Variants in VPS13A observed in about 807,000 individuals in gnomAD.
The protein encoded by VPS13A is intermembrane lipid transfer protein VPS13A.
VPS13A carries 264 observed loss-of-function variants against 390.9 expected under a neutral mutation model. The ratio of observed to expected loss-of-function variants is 0.68; its 90% CI spans 0.61 to 0.75. The LOEUF (loss-of-function observed/expected upper bound fraction) is 0.75. Ranked by LOEUF, VPS13A falls within the 30% of genes least tolerant of loss-of-function variation. The pLI, the probability that VPS13A is intolerant of heterozygous loss-of-function variation, is 0.00. For missense variants in VPS13A, 3,409 were observed against 3,733.9 expected (o/e 0.91, Z 2.27); for synonymous variants, 1,231 against 1,227.1 (o/e 1.00, Z -0.07).
intron 29 of VPS13A, 122 bp from the exon 30 acceptor site, chr9:77,283,233 T>C: frequency 1.6e-6 from 1 of 639,040 alleles, no homozygotes; most frequent in Non-Finnish European, 2.8e-6. Flanking sequence ...TTCAACTGAA[T>C]TGCAGATCAG....
In VPS13A at chr9:77,402,947, TAG is replaced by T. The variant is rs1444184642; in HGVS notation, c.9190-288_9190-287del. On this transcript the variant is annotated intron_variant, in intron 68 of 71. Coordinates refer to ENST00000360280, the MANE Select transcript of VPS13A (RefSeq NM_033305.3). The stretch of plus-strand genomic sequence containing the variant: ...GTTTTCCAATATAAAGTCACTGTAA[TAG>T]TTAAATACCTCATTAGATTGAATTT... Among the ~76,000 whole-genome samples the T allele has an allele frequency of 2.6e-5, 4 of 152,324 alleles. No homozygotes were observed. The East Asian group carries it at 7.7e-4, about 29-fold the overall frequency.
intron 20 of VPS13A, 134 bp from the exon 21 acceptor site, chr9:77,249,963 A>C: frequency 1.0e-6 from 1 of 955,222 alleles, no homozygotes; most frequent in Non-Finnish European, 1.6e-6. Context: ...GGACCTTTCT[A>C]ATAGCCTTAT....
At chr9:77,178,061 C>A in intron 1 of VPS13A, 1 of 416,632 alleles carries the variant, frequency 2.4e-6, no homozygotes, top group South Asian at 2.2e-5. Flanking sequence ...CCGAGCGGAG[C>A]GGACTTGCCG....
rs763153645 is a variant in VPS13A, at chr9:77,283,479, A to G, written c.3235+8A>G. ...CTGAAATTAAGATTGAAGGTAATAAAATTTCACAAAAAGCAAATTAAAAGA... is the reference window on the plus strand; with the variant it reads ...CTGAAATTAAGATTGAAGGTAATAAGATTTCACAAAAAGCAAATTAAAAGA... On this transcript the variant is annotated splice_region_variant and intron_variant, in intron 30 of 71. Coordinates refer to ENST00000360280, the MANE Select transcript of VPS13A (RefSeq NM_033305.3). The G allele has an allele frequency of 2.1e-5, 34 of 1,604,228 alleles. No homozygotes were observed. The highest frequency in any genetic ancestry group is 1.7e-4 in the Middle Eastern group (1 of 6,052).
chr9:77,413,769 T>C (rs936146763), intron 71 of VPS13A, among the ~76,000 whole-genome samples: 1 of 152,182 alleles, frequency 6.6e-6, no homozygotes, highest in African/African-American at 2.4e-5. Flanking sequence ...AGAGAGCTTC[T>C]GCACAGCAAA....
At chr9:77,347,053 T>C (rs893504958) in intron 52 of VPS13A, among the ~76,000 whole-genome samples, 5 of 152,244 alleles carry the variant, frequency 3.3e-5, no homozygotes, top group Admixed American at 3.3e-4. Context: ...ATGCCTATTT[T>C]TATACCAGTA....
intron 71 of VPS13A, among the ~76,000 whole-genome samples, chr9:77,407,867 A>AT (rs905207087): frequency 9.2e-5 from 14 of 151,998 alleles, no homozygotes; most frequent in African/African-American, 3.1e-4. Flanking sequence ...ACTCTAATTA[A>AT]TTTTTTTTAA....
chr9:77,377,544 T>A (rs1833172953), intron 67 of VPS13A, among the ~76,000 whole-genome samples: 1 of 151,872 alleles, frequency 6.6e-6, no homozygotes, highest in Non-Finnish European at 1.5e-5. Context: ...TGTTTATTGC[T>A]GGTGTGTTGA....
At chr9:77,244,753 T>C (rs1824706648) in intron 19 of VPS13A, among the ~76,000 whole-genome samples, 3 of 151,986 alleles carry the variant, frequency 2.0e-5, no homozygotes, top group African/African-American at 7.3e-5. Context: ...AGTGGGTGAA[T>C]TTGGAGCTGA....
intron 68 of VPS13A, chr9:77,384,971 A>G (rs1177377489): frequency 2.5e-5 from 28 of 1,111,994 alleles, no homozygotes; most frequent in Non-Finnish European, 2.5e-5. Flanking sequence ...AGACTTAAAT[A>G]TAATTTTGAT....
At chr9:77,230,330 A>G (rs1823755702) in intron 17 of VPS13A, among the ~76,000 whole-genome samples, 1 of 151,958 alleles carries the variant, frequency 6.6e-6, no homozygotes, top group South Asian at 2.1e-4. Flanking sequence ...ATATACTCCT[A>G]TATATTCTTA....
rs1827572570 is a variant in VPS13A, at chr9:77,290,249, CATTGTT to C, written c.3340-3091_3340-3086del. Among the ~76,000 whole-genome samples the C allele has an allele frequency of 1.2e-4, 19 of 152,142 alleles. 1 individual carries two copies. Among genetic ancestry groups the C allele is most frequent in the East Asian group, 1.2e-3 (6 of 5,186 alleles). ...TTCCAACTGTTAAAAGATGTGATTT[CATTGTT>C]CTTTGTTACACATACTTTTGATGAG... is the stretch of plus-strand genomic sequence containing the variant. On this transcript the variant is annotated intron_variant, in intron 31 of 71. Transcript: ENST00000360280.
chr9:77,198,824 C>T (rs1034840702), intron 1 of VPS13A, among the ~76,000 whole-genome samples: 2 of 152,110 alleles, frequency 1.3e-5, no homozygotes, highest in South Asian at 2.1e-4. Context: ...CCATCACGAC[C>T]GGCTAATTTT....
chr9:77,344,173 G>A lies in VPS13A; in HGVS notation c.7047G>A (p.Glu2349=), dbSNP rs552113529. ...DLEQCIPFWP[E]YASSKLLIQV... is the part of the protein sequence containing the mutation. ...TTTAGTGTATCCCCTTTTGGCCTGA[G>A]TATGCTTCTAGTAAACTTCTTATTC... Residue 2349 remains glutamate, a synonymous_variant, in exon 51 of 72, where the codon GAG becomes GAA. Coordinates refer to ENST00000360280, the MANE Select transcript of VPS13A (RefSeq NM_033305.3). 47 of 1,607,686 alleles carry A rather than the reference G, an allele frequency of 2.9e-5. No homozygotes were observed. The African/African-American group carries it at 5.1e-4, about 17-fold the overall frequency.
Position 77,238,336 on chromosome 9 carries a change from C to G in VPS13A, c.1850C>G (p.Thr617Ser). 1.9e-6 allele frequency: 3 copies of G among 1,614,008 alleles called. No individual in the cohort carries two copies. The highest frequency in any genetic ancestry group is 2.5e-6 in the Non-Finnish European group (3 of 1,179,964). ...AAAGAGGTACATCTAGCACAGCTCACTGCAGCAACTTTGACAAAACTGGAA... is the reference window on the plus strand; with the variant it reads ...AAAGAGGTACATCTAGCACAGCTCAGTGCAGCAACTTTGACAAAACTGGAA... ...PPKEVHLAQL[T>S]AATLTKLEEF... is the part of the protein sequence containing the mutation. The change falls in exon 19 of 72, where the codon ACT becomes AGT. Residue 617 changes from threonine (T) to serine (S), a missense_variant. Coordinates refer to ENST00000360280, the MANE Select transcript of VPS13A (RefSeq NM_033305.3).
At chr9:77,204,097 TCA>T (rs1235399048) in intron 3 of VPS13A, among the ~76,000 whole-genome samples, 1 of 152,206 alleles carries the variant, frequency 6.6e-6, no homozygotes, top group East Asian at 1.9e-4. Context: ...AATCTTTTTC[TCA>T]GTTTGAAGTT....
rs570276525 is a variant in VPS13A, at chr9:77,193,621, A to C, written c.101-6324A>C. ...TGCACTCCAGCCTGGGCGACAGGGC[A>C]AAACTCTCTCTTCAAAAAAATAAAT... On this transcript the variant is annotated intron_variant, in intron 1 of 71. Transcript: ENST00000360280. Among the ~76,000 whole-genome samples the C allele has an allele frequency of 2.0e-5, 3 of 152,304 alleles. No homozygotes were observed. The South Asian group carries it at 6.2e-4, about 32-fold the overall frequency.
chr9:77,400,550 G>C (rs188580119), intron 68 of VPS13A, among the ~76,000 whole-genome samples: 1 of 151,900 alleles, frequency 6.6e-6, no homozygotes, highest in African/African-American at 2.4e-5. Flanking sequence ...AAAATGGGCC[G>C]GGCGCGGTGG....
At chr9:77,275,981 C>G in intron 25 of VPS13A, 84 bp from the exon 26 acceptor site, 1 of 1,376,796 alleles carries the variant, frequency 7.3e-7, no homozygotes, top group Non-Finnish European at 1.0e-6. Flanking sequence ...GTATGTATAC[C>G]TCATATATTC....
Sources: gnomAD v4.1 joint callset for allele counts (sites outside exome capture counted in the v4.1 genomes callset) on GRCh38, gnomAD v4.1.1 for gene constraint, MANE v1.5 for transcripts, NCBI Gene and HGNC (gene_info 2026-07-23, HGNC 2026-07-21) for gene names.